Variants in STT3B observed in about 807,000 individuals in gnomAD.
The protein encoded by STT3B is dolichyl-diphosphooligosaccharide--protein glycosyltransferase subunit STT3B.
In STT3B, 29 loss-of-function variants were observed where a neutral mutation model predicts 96.8. The observed-to-expected ratio is 0.30, with a 90% CI of 0.22 to 0.41. The LOEUF (loss-of-function observed/expected upper bound fraction) is 0.41, where lower values mean the gene tolerates loss of function less well. STT3B is among the 10% of genes least tolerant of loss of function. The pLI is 1.00. For synonymous variants in STT3B, 367 were observed against 360.0 expected (o/e 1.02, Z -0.22); for missense variants, 640 against 1,022.3 (o/e 0.63, Z 5.10).
At chr3:31,629,553 A>C in intron 14 of STT3B, 142 bp downstream of exon 14, 1 of 499,612 alleles carries the variant, frequency 2.0e-6, no homozygotes, top group Non-Finnish European at 3.5e-6. Flanking sequence ...TTTTCATTAA[A>C]TTTAGATTTC....
chr3:31,614,137 A>G (rs751618112), intron 5 of STT3B, among the ~76,000 whole-genome samples: 10 of 151,996 alleles, frequency 6.6e-5, no homozygotes, highest in Non-Finnish European at 1.3e-4. Flanking sequence ...AGTGTGTAGT[A>G]CACTATGCTA....
At chr3:31,633,616 A>T (rs201625848) in intron 15 of STT3B, among the ~76,000 whole-genome samples, 2 of 88,958 alleles carry the variant, frequency 2.2e-5, no homozygotes, top group African/African-American at 1.1e-4. Context: ...TAAGATAATT[A>T]TTTTTTAATG....
intron 9 of STT3B, 76 bp downstream of exon 9, chr3:31,619,906 T>C: frequency 6.6e-7 from 1 of 1,519,514 alleles, no homozygotes; most frequent in Non-Finnish European, 8.8e-7. Context: ...TTTAAATTTT[T>C]GTTTTTCTAT....
At chr3:31,627,987 A>T (rs1416086930) in intron 13 of STT3B, among the ~76,000 whole-genome samples, 7 of 146,312 alleles carry the variant, frequency 4.8e-5, no homozygotes, top group Non-Finnish European at 3.0e-5. Flanking sequence ...GTATAAGAGG[A>T]TATACAAAAA....
intron 5 of STT3B, among the ~76,000 whole-genome samples, chr3:31,606,215 A>G (rs115797300): frequency 0.025 from 3,768 of 152,340 alleles, 63 homozygotes; most frequent in Non-Finnish European, 0.037. Flanking sequence ...ACAATGCAAT[A>G]GAAAAGCAGA....
At chr3:31,563,063 C>T (rs185346178) in intron 1 of STT3B, among the ~76,000 whole-genome samples, 72 of 152,270 alleles carry the variant, frequency 4.7e-4, no homozygotes, top group African/African-American at 1.6e-3. Context: ...ATAAGCCACT[C>T]CAGCCTCCTA....
At chr3:31,582,719 G>A (rs1214191469) in intron 3 of STT3B, among the ~76,000 whole-genome samples, 3 of 151,734 alleles carry the variant, frequency 2.0e-5, no homozygotes, top group East Asian at 1.9e-4. Context: ...CTACTTTGAC[G>A]GTGTCTCATA....
chr3:31,558,391 A>C (rs1697774599), intron 1 of STT3B, among the ~76,000 whole-genome samples: 1 of 152,226 alleles, frequency 6.6e-6, no homozygotes, highest in South Asian at 2.1e-4. Context: ...GGGATCTTGC[A>C]AATTCAAGAT....
intron 1 of STT3B, among the ~76,000 whole-genome samples, chr3:31,575,940 A>G (rs935402143): frequency 2.0e-5 from 3 of 151,838 alleles, no homozygotes; most frequent in East Asian, 1.9e-4. Flanking sequence ...TTCTTTTTCT[A>G]TAAGGCCATA....
intron 1 of STT3B, among the ~76,000 whole-genome samples, chr3:31,554,944 G>T (rs1430282533): frequency 6.6e-6 from 1 of 152,092 alleles, no homozygotes; most frequent in Non-Finnish European, 1.5e-5. Flanking sequence ...TGTTGGGTCT[G>T]TTTTCTTCAT....
At chr3:31,634,112 A>G (rs1289356861) in intron 15 of STT3B, among the ~76,000 whole-genome samples, 1 of 152,204 alleles carries the variant, frequency 6.6e-6, no homozygotes, top group African/African-American at 2.4e-5. Context: ...GTAAATTACC[A>G]TGTCTAGACT....
At chr3:31,601,198 G>A (rs907181015) in intron 5 of STT3B, among the ~76,000 whole-genome samples, 5 of 152,074 alleles carry the variant, frequency 3.3e-5, no homozygotes, top group Non-Finnish European at 7.4e-5. Context: ...CCACTCCTAG[G>A]TATTTACCCA....
intron 1 of STT3B, among the ~76,000 whole-genome samples, chr3:31,537,274 T>C (rs1697124843): frequency 6.6e-6 from 1 of 152,216 alleles, no homozygotes; most frequent in African/African-American, 2.4e-5. Context: ...CTTTGAGGTC[T>C]CCATGTTTTC....
intron 6 of STT3B, among the ~76,000 whole-genome samples, chr3:31,616,613 C>T (rs1249982399): frequency 6.6e-6 from 1 of 151,560 alleles, no homozygotes; most frequent in Non-Finnish European, 1.5e-5. Context: ...CCCCAGAAAA[C>T]CCCCCTAAAA....
At chr3:31,600,934 G>A (rs939762702) in intron 5 of STT3B, among the ~76,000 whole-genome samples, 7 of 152,036 alleles carry the variant, frequency 4.6e-5, no homozygotes, top group African/African-American at 1.7e-4. Flanking sequence ...TCACTGTGAT[G>A]TTTAGCGGTA....
intron 9 of STT3B, chr3:31,620,274 CAAAA>C (rs536047611): frequency 3.7e-5 from 3 of 81,054 alleles, no homozygotes; most frequent in Non-Finnish European, 7.4e-5. Flanking sequence ...GACTCTGTCT[CAAAA>C]AAAAAAAAAA....
At chr3:31,632,513 A>T (rs1216135967) in intron 14 of STT3B, among the ~76,000 whole-genome samples, 1 of 152,174 alleles carries the variant, frequency 6.6e-6, no homozygotes, top group Non-Finnish European at 1.5e-5. Flanking sequence ...GGGGTGGTAA[A>T]GGAGCTAGCC....
intron 3 of STT3B, among the ~76,000 whole-genome samples, chr3:31,584,416 G>A (rs1184641752): frequency 1.1e-4 from 17 of 152,086 alleles, no homozygotes; most frequent in Non-Finnish European, 4.4e-5. Context: ...GGGGTGCCTT[G>A]CATTTTCATA....
chr3:31,593,595 A>T (rs1359880241), intron 3 of STT3B, among the ~76,000 whole-genome samples: 1 of 151,974 alleles, frequency 6.6e-6, no homozygotes, highest in Non-Finnish European at 1.5e-5. Flanking sequence ...TGGGTTGGAT[A>T]CTTCCTGTTG....
Sources: gnomAD v4.1 joint callset for allele counts (sites outside exome capture counted in the v4.1 genomes callset) on GRCh38, gnomAD v4.1.1 for gene constraint, MANE v1.5 for transcripts, NCBI Gene and HGNC (gene_info 2026-07-23, HGNC 2026-07-21) for gene names.